The following HMHB1 variants were observed in gnomAD, a reference collection of about 807,000 sequenced individuals.
HMHB1 encodes histocompatibility minor HB-1, also known as minor histocompatibility protein HB-1.
Under a neutral mutation model 2.4 loss-of-function variants are expected in HMHB1, and 4 were observed. The ratio of observed to expected loss-of-function variants is 1.65; its 90% CI spans 0.81 to 3.77. The LOEUF is 3.77. Ranked by LOEUF, HMHB1 falls within the 30% of genes most tolerant of loss-of-function variation. The probability of loss-of-function intolerance (pLI) is 0.01; values close to 1 mark genes in which losing one functional copy is unlikely to be tolerated. For missense variants in HMHB1, 57 were observed against 44.2 expected, an observed-to-expected ratio of 1.29 and a Z score of -0.82; for synonymous variants, 22 against 17.6, an observed-to-expected ratio of 1.25 and a Z score of -0.63.
chr5:143,815,911 T>C (rs1759743996), intron 1 of HMHB1, among the ~76,000 whole-genome samples: 1 of 144,102 alleles, frequency 6.9e-6, no homozygotes, highest in Admixed American at 7.2e-5. Context: ...TTTCACCTTG[T>C]TAGCCAGGAT....
At chr5:143,818,538 T>C (rs1759773506) in intron 1 of HMHB1, among the ~76,000 whole-genome samples, 1 of 152,218 alleles carries the variant, frequency 6.6e-6, no homozygotes, top group African/African-American at 2.4e-5. Flanking sequence ...GTGACTATTA[T>C]TTATCACAGT....
chr5:143,820,496 G>A lies in HMHB1; in HGVS notation c.54G>A (p.Trp18Ter), dbSNP rs1200435833. 4 of 1,611,282 alleles carry A rather than the reference G, an allele frequency of 2.5e-6. No homozygotes were observed. The highest frequency in any genetic ancestry group is 3.4e-6 in the Non-Finnish European group (4 of 1,177,788). Residue 18 changes from tryptophan to a stop codon, truncating the protein, a stop_gained, in exon 2 of 2, where the codon TGG becomes TGA. Transcript: ENST00000289448. LOFTEE classifies it low-confidence loss of function (END_TRUNC). The stretch of plus-strand genomic sequence containing the variant: ...TTTCTATAGGTTCTCTGCATGTTTG[G>A]AAGTCGGAATTGGTTGAAGTTGAAG...
At chr5:143,820,318 T>TTAAAAAAAAAAAA (rs1224094703) in intron 1 of HMHB1, among the ~76,000 whole-genome samples, 162 bp from the exon 2 acceptor site, 2 of 47,564 alleles carry the variant, frequency 4.2e-5, no homozygotes, top group African/African-American at 1.4e-4. Flanking sequence ...TCATCATAAG[T>TTAAAAAAAAAAAA]AAAAAAAAAA....
intron 1 of HMHB1, among the ~76,000 whole-genome samples, chr5:143,813,273 CT>C (rs1315787514): frequency 1.3e-5 from 2 of 152,140 alleles, no homozygotes; most frequent in East Asian, 1.9e-4. Flanking sequence ...CCGACCTTCC[CT>C]TTTTTCCTTC....
At chr5:143,819,923 C>A (rs911616726) in intron 1 of HMHB1, among the ~76,000 whole-genome samples, 4 of 152,024 alleles carry the variant, frequency 2.6e-5, no homozygotes, top group Admixed American at 6.5e-5. Flanking sequence ...AAATAAGGGG[C>A]CCCTTTCATG....
In HMHB1 at chr5:143,812,315, G is replaced by A. The variant is rs749876234; in HGVS notation, c.37+11G>A. On this transcript the variant is annotated intron_variant, in intron 1 of 1. Transcript: ENST00000289448. ...GAGAAGAAAAAAGAGGTGAGGGAGC[G>A]AGGAGGAGGGAGAACAGAGAGAGAG... The A allele has an allele frequency of 1.9e-6, 3 of 1,550,594 alleles. No individual in the cohort carries two copies. Among genetic ancestry groups the A allele is most frequent in the East Asian group, 2.4e-5 (1 of 40,924 alleles).
intron 1 of HMHB1, among the ~76,000 whole-genome samples, chr5:143,816,253 CAT>C (rs564532422): frequency 3.3e-4 from 50 of 152,276 alleles, no homozygotes; most frequent in African/African-American, 1.1e-3. Flanking sequence ...TGTTTGGTTA[CAT>C]GAGTCAGTTC....
chr5:143,815,305 G>A (rs549687682), intron 1 of HMHB1, among the ~76,000 whole-genome samples: 1 of 152,270 alleles, frequency 6.6e-6, no homozygotes, highest in East Asian at 1.9e-4. Flanking sequence ...GTGTCAGTGG[G>A]GCTGTGGTTT....
chr5:143,819,504 A>C (rs1252997352), intron 1 of HMHB1, among the ~76,000 whole-genome samples: 1 of 151,970 alleles, frequency 6.6e-6, no homozygotes, highest in Admixed American at 6.6e-5. Context: ...GCACGGTGGC[A>C]GGAGCCTGTA....
intron 1 of HMHB1, among the ~76,000 whole-genome samples, chr5:143,820,023 A>C (rs1218978715): frequency 1.3e-5 from 2 of 152,162 alleles, no homozygotes; most frequent in Admixed American, 1.3e-4. Flanking sequence ...CTCAGAGTTC[A>C]GTTATTAGAA....
At chr5:143,819,533 G>T (rs1031833461) in intron 1 of HMHB1, among the ~76,000 whole-genome samples, 1 of 151,874 alleles carries the variant, frequency 6.6e-6, no homozygotes, top group Non-Finnish European at 1.5e-5. Context: ...TACTCGGGAG[G>T]CTGAGGCAGG....
intron 1 of HMHB1, among the ~76,000 whole-genome samples, chr5:143,817,763 G>T (rs1759765490): frequency 6.6e-6 from 1 of 152,014 alleles, no homozygotes; most frequent in Non-Finnish European, 1.5e-5. Context: ...ATTTTGATGG[G>T]GATGGTGTTG....
intron 1 of HMHB1, 73 bp from the exon 2 acceptor site, chr5:143,820,407 T>G: frequency 1.3e-6 from 1 of 796,068 alleles, no homozygotes; most frequent in Non-Finnish European, 2.1e-6. Flanking sequence ...GTTTGGAGTT[T>G]TATTAATCTA....
chr5:143,812,415 A>C (rs1278724010), intron 1 of HMHB1, 111 bp downstream of exon 1: 27 of 1,005,340 alleles, frequency 2.7e-5, no homozygotes, highest in Non-Finnish European at 3.8e-5. Context: ...CAACAGGTGA[A>C]AACAGGGATG....
chr5:143,814,983 T>G (rs1759731822), intron 1 of HMHB1, among the ~76,000 whole-genome samples: 1 of 152,212 alleles, frequency 6.6e-6, no homozygotes, highest in Non-Finnish European at 1.5e-5. Flanking sequence ...GTTGCTCAGC[T>G]TTGCAGCATG....
intron 1 of HMHB1, among the ~76,000 whole-genome samples, chr5:143,817,544 A>G (rs1226861606): frequency 2.0e-5 from 3 of 152,090 alleles, no homozygotes; most frequent in East Asian, 3.9e-4. Context: ...CTGGTTCTCT[A>G]TTCTGTTCCA....
At chr5:143,812,764 C>A (rs1041372305) in intron 1 of HMHB1, among the ~76,000 whole-genome samples, 1 of 152,180 alleles carries the variant, frequency 6.6e-6, no homozygotes, top group African/African-American at 2.4e-5. Context: ...ACCATCATCG[C>A]CATGCTCCCA....
At chr5:143,819,975 A>G (rs1759790191) in intron 1 of HMHB1, among the ~76,000 whole-genome samples, 1 of 152,118 alleles carries the variant, frequency 6.6e-6, no homozygotes, top group South Asian at 2.1e-4. Context: ...ATATCAGGAA[A>G]TATTGGCTTA....
chr5:143,815,592 A>G (rs1318421308), intron 1 of HMHB1, among the ~76,000 whole-genome samples: 1 of 151,272 alleles, frequency 6.6e-6, no homozygotes, highest in Non-Finnish European at 1.5e-5. Context: ...CAGTGGCGCA[A>G]TCTTGGCTCA....
Sources: gnomAD v4.1 joint callset for allele counts (sites outside exome capture counted in the v4.1 genomes callset) on GRCh38, gnomAD v4.1.1 for gene constraint, MANE v1.5 for transcripts, NCBI Gene and HGNC (gene_info 2026-07-23, HGNC 2026-07-21) for gene names.